The following TNNI3K variants were observed in gnomAD, a reference collection of about 807,000 sequenced individuals.
TNNI3K encodes serine/threonine-protein kinase TNNI3K.
TNNI3K carries 140 observed loss-of-function variants against 114.5 expected under a neutral mutation model. The observed-to-expected ratio is 1.22, with a 90% confidence interval of 1.07 to 1.41. The LOEUF (loss-of-function observed/expected upper bound fraction) is 1.41, where lower values mean the gene tolerates loss of function less well. Among genes scored for constraint, TNNI3K ranks in the 40% most tolerant of loss-of-function variants. The probability of loss-of-function intolerance (pLI) is 0.00; values close to 1 mark genes in which losing one functional copy is unlikely to be tolerated. For synonymous variants in TNNI3K, 347 were observed against 347.5 expected (o/e 1.00, Z 0.02); for missense variants, 1,125 against 1,007.6 (o/e 1.12, Z -1.58).
chr1:74,535,572 C>T (rs972405331), intron 23 of TNNI3K, among the ~76,000 whole-genome samples: 4 of 152,156 alleles, frequency 2.6e-5, no homozygotes, highest in African/African-American at 7.2e-5. Context: ...CTGGATCCCT[C>T]TACAGCACCT....
At chr1:74,335,286 C>A (rs999497880) in intron 6 of TNNI3K, among the ~76,000 whole-genome samples, 1 of 152,068 alleles carries the variant, frequency 6.6e-6, no homozygotes, top group Non-Finnish European at 1.5e-5. Flanking sequence ...ATTCTAGATT[C>A]GAATCTAGGA....
At chr1:74,270,930 C>T (rs1272481385) in intron 4 of TNNI3K, among the ~76,000 whole-genome samples, 4 of 151,588 alleles carry the variant, frequency 2.6e-5, no homozygotes, top group African/African-American at 9.7e-5. Flanking sequence ...AAATACAATA[C>T]AAATAATATT....
chr1:74,516,704 T>A (rs945153247), intron 23 of TNNI3K, among the ~76,000 whole-genome samples: 12 of 152,184 alleles, frequency 7.9e-5, no homozygotes, highest in Admixed American at 5.9e-4. Context: ...TGGTTGAGGA[T>A]GGCTTGTATA....
At chr1:74,370,560 A>C in intron 17 of TNNI3K, 168 bp downstream of exon 17, 3 of 459,112 alleles carry the variant, frequency 6.5e-6, no homozygotes, top group Non-Finnish European at 1.1e-5. Context: ...TTGTCTTTTA[A>C]GGAGTAGAAA....
intron 5 of TNNI3K, among the ~76,000 whole-genome samples, chr1:74,282,275 C>T (rs1657061545): frequency 6.6e-6 from 1 of 151,924 alleles, no homozygotes; most frequent in Non-Finnish European, 1.5e-5. Context: ...TGCTACTTAT[C>T]ACTTGTTCAT....
intron 17 of TNNI3K, among the ~76,000 whole-genome samples, chr1:74,381,209 A>G (rs968552084): frequency 6.6e-6 from 1 of 152,164 alleles, no homozygotes; most frequent in African/African-American, 2.4e-5. Context: ...AGACCACAGG[A>G]GAACTAATTG....
intron 4 of TNNI3K, among the ~76,000 whole-genome samples, chr1:74,264,022 G>C (rs538702519): frequency 1.3e-5 from 2 of 151,874 alleles, no homozygotes; most frequent in Admixed American, 1.3e-4. Context: ...ATGTTCAAAG[G>C]CCAATTGGAG....
chr1:74,375,773 A>G (rs1246957899), intron 17 of TNNI3K: 8 of 356,026 alleles, frequency 2.2e-5, no homozygotes, highest in Non-Finnish European at 4.0e-5. Context: ...TTTTGAGAAG[A>G]CTGATTTGAG....
intron 21 of TNNI3K, among the ~76,000 whole-genome samples, chr1:74,464,460 T>C (rs1350792651): frequency 2.0e-5 from 3 of 152,244 alleles, no homozygotes; most frequent in Non-Finnish European, 4.4e-5. Flanking sequence ...ATCCTAGTTA[T>C]TGTCCTCTTA....
intron 17 of TNNI3K, among the ~76,000 whole-genome samples, chr1:74,377,467 T>A (rs1222092895): frequency 6.6e-6 from 1 of 151,930 alleles, no homozygotes; most frequent in African/African-American, 2.4e-5. Context: ...GAGTGTAGAA[T>A]CTTCACAAGT....
chr1:74,347,245 G>C (rs1270019745), intron 9 of TNNI3K, among the ~76,000 whole-genome samples: 3 of 146,400 alleles, frequency 2.0e-5, no homozygotes, highest in African/African-American at 7.6e-5. Flanking sequence ...GTGAGAACAT[G>C]CAGTGTTTGG....
intron 5 of TNNI3K, among the ~76,000 whole-genome samples, chr1:74,285,271 A>G (rs954017344): frequency 6.6e-6 from 1 of 152,126 alleles, no homozygotes. Flanking sequence ...CTCAAAATAC[A>G]CCTAGCAAGG....
intron 17 of TNNI3K, among the ~76,000 whole-genome samples, chr1:74,416,002 G>T (rs1157433374): frequency 1.3e-5 from 2 of 152,132 alleles, no homozygotes; most frequent in African/African-American, 4.8e-5. Flanking sequence ...AGTGTGGGAA[G>T]GGGAAGTCTT....
chr1:74,446,562 A>G (rs1666694437), intron 20 of TNNI3K, among the ~76,000 whole-genome samples: 1 of 147,994 alleles, frequency 6.8e-6, no homozygotes, highest in Admixed American at 6.7e-5. Flanking sequence ...CCATTTGTCA[A>G]TTTTGGCTTT....
Position 74,463,470 on chromosome 1 carries a change from C to G in TNNI3K, c.2041C>G (p.His681Asp). Residue 681 changes from histidine (H) to aspartate (D), a missense_variant, in exon 21 of 25, where the codon CAC becomes GAC. Coordinates refer to ENST00000326637, the MANE Select transcript of TNNI3K (RefSeq NM_015978.3). ...AAAAADMAYH[H>D]IRPPIGYSIP... Reference sequence around the variant, plus strand: ...TGCGGCAGCAGACATGGCTTACCACCACATCAGACCTCCCATTGGCTATTC... The same window carrying G: ...TGCGGCAGCAGACATGGCTTACCACGACATCAGACCTCCCATTGGCTATTC... The G allele has an allele frequency of 1.2e-6, 2 of 1,614,194 alleles. No individual in the cohort carries two copies. The highest frequency in any genetic ancestry group is 2.2e-5 in the East Asian group (1 of 44,882).
intron 17 of TNNI3K, chr1:74,375,942 T>G (rs1662883155): frequency 5.6e-6 from 1 of 177,368 alleles, no homozygotes; most frequent in African/African-American, 2.3e-5. Context: ...AGAGGTTTTT[T>G]TTATATGATA....
chr1:74,481,734 AG>A (rs763074715), intron 21 of TNNI3K, among the ~76,000 whole-genome samples: 11 of 152,222 alleles, frequency 7.2e-5, no homozygotes, highest in Non-Finnish European at 1.5e-4. Context: ...TAGAAATCAA[AG>A]CATTTTAACT....
intron 4 of TNNI3K, among the ~76,000 whole-genome samples, chr1:74,269,573 G>A (rs1335292383): frequency 6.6e-6 from 1 of 151,722 alleles, no homozygotes; most frequent in Non-Finnish European, 1.5e-5. Flanking sequence ...AATGTGAGAA[G>A]TATAAGTCAG....
At position 74,524,949 on chromosome 1, in the gene TNNI3K, G is replaced by T. The variant is rs1324831204; in HGVS notation, c.2352-15285G>T. Among the ~76,000 whole-genome samples the T allele has an allele frequency of 1.3e-5, 2 of 152,218 alleles. 1 individual carries two copies. The highest frequency in any genetic ancestry group is 4.1e-4 in the South Asian group (2 of 4,822). ...AGGTACTTTGGGGCTGGAAAGAGAGGTAGCCAATTAATTTGCTTTTTTATA... is the reference window on the plus strand; with the variant it reads ...AGGTACTTTGGGGCTGGAAAGAGAGTTAGCCAATTAATTTGCTTTTTTATA... On this transcript the variant is annotated intron_variant, in intron 23 of 24. Transcript: ENST00000326637.
Sources: gnomAD v4.1 joint callset for allele counts (sites outside exome capture counted in the v4.1 genomes callset) on GRCh38, gnomAD v4.1.1 for gene constraint, MANE v1.5 for transcripts, NCBI Gene and HGNC (gene_info 2026-07-23, HGNC 2026-07-21) for gene names.